COMMD7: variants seen among roughly 807,000 people sequenced by gnomAD.
COMMD7 encodes the protein COMM domain-containing protein 7.
In COMMD7, 28 loss-of-function variants were observed where a neutral mutation model predicts 34.8. That is an observed-to-expected ratio of 0.80 (90% confidence interval 0.60 to 1.10). The LOEUF is 1.10. COMMD7 is among the 50% of genes least tolerant of loss of function. The pLI is 0.00. For missense variants in COMMD7, 211 were observed against 241.6 expected, an observed-to-expected ratio of 0.87 and a Z score of 0.84; for synonymous variants, 80 against 86.4, an observed-to-expected ratio of 0.93 and a Z score of 0.41.
chr20:32,703,629 G>A, intron 8 of COMMD7, 171 bp from the exon 9 acceptor site: 1 of 1,438,112 alleles, frequency 7.0e-7, no homozygotes, highest in Non-Finnish European at 9.1e-7. Flanking sequence ...GAATGCAGAA[G>A]GTTCTCTGCT....
At chr20:32,704,165 G>T in intron 7 of COMMD7, 94 bp from the exon 8 acceptor site, 2 of 1,071,442 alleles carry the variant, frequency 1.9e-6, no homozygotes, top group Non-Finnish European at 2.7e-6. Context: ...CTTCCAACCT[G>T]AGAGTCATAC....
At chr20:32,736,042 GCTT>G (rs1453520512) in intron 1 of COMMD7, among the ~76,000 whole-genome samples, 2 of 152,146 alleles carry the variant, frequency 1.3e-5, no homozygotes, top group Non-Finnish European at 2.9e-5. Flanking sequence ...GGTACTATCT[GCTT>G]CTTCATTTTA....
intron 1 of COMMD7, among the ~76,000 whole-genome samples, chr20:32,732,389 C>T (rs1037852818): frequency 2.6e-5 from 4 of 152,192 alleles, no homozygotes; most frequent in African/African-American, 9.6e-5. Flanking sequence ...CCACACCCAA[C>T]CGGCATCAAA....
chr20:32,711,212 C>T (rs994398386), intron 3 of COMMD7, among the ~76,000 whole-genome samples: 12 of 151,850 alleles, frequency 7.9e-5, no homozygotes, highest in African/African-American at 1.5e-4. Context: ...GCCTGGTCAA[C>T]GTGGTGAAAC....
chr20:32,705,020 A>G, intron 5 of COMMD7, 116 bp from the exon 6 acceptor site: 1 of 747,776 alleles, frequency 1.3e-6, no homozygotes. Flanking sequence ...GGTGCAGAAG[A>G]TAGTGGGGAG....
chr20:32,713,291 C>T (rs1984581133), intron 3 of COMMD7, among the ~76,000 whole-genome samples: 1 of 152,122 alleles, frequency 6.6e-6, no homozygotes, highest in African/African-American at 2.4e-5. Flanking sequence ...CTCAGGTGAT[C>T]CACCCGCCTC....
intron 1 of COMMD7, 72 bp downstream of exon 1, chr20:32,743,236 G>GGGGCCCCC: frequency 1.8e-6 from 1 of 555,858 alleles, no homozygotes; most frequent in Non-Finnish European, 3.1e-6. Context: ...ACCCCCGGAC[G>GGGGCCCCC]TCCCCCCCAC....
chr20:32,720,132 G>A (rs1985057803), intron 3 of COMMD7, among the ~76,000 whole-genome samples: 1 of 152,204 alleles, frequency 6.6e-6, no homozygotes, highest in Non-Finnish European at 1.5e-5. Flanking sequence ...TCAAATCAGA[G>A]TGAGCCTGAA....
In COMMD7 at chr20:32,735,566, C is replaced by T. The variant is rs150898018; in HGVS notation, c.85-7424G>A. Among the ~76,000 whole-genome samples the T allele has an allele frequency of 1.8e-3, 280 of 152,278 alleles. 6 individuals carry two copies. The East Asian group carries it at 0.043, about 23-fold the overall frequency. On this transcript the variant is annotated intron_variant, in intron 1 of 8. Coordinates refer to ENST00000278980, the MANE Select transcript of COMMD7 (RefSeq NM_053041.3). Reference sequence around the variant, plus strand: ...TGCTGGCCTGAAGTGATCCACCTGCCTCGGCTTCCCAAAGTGGTTGGATTA... The same window carrying T: ...TGCTGGCCTGAAGTGATCCACCTGCTTCGGCTTCCCAAAGTGGTTGGATTA...
At chr20:32,715,106 T>C (rs1290720003) in intron 3 of COMMD7, among the ~76,000 whole-genome samples, 1 of 151,924 alleles carries the variant, frequency 6.6e-6, no homozygotes, top group Non-Finnish European at 1.5e-5. Context: ...AGATCGAGGC[T>C]GCAGTAAGCA....
At chr20:32,741,610 C>A (rs548798343) in intron 1 of COMMD7, among the ~76,000 whole-genome samples, 4 of 152,044 alleles carry the variant, frequency 2.6e-5, no homozygotes, top group Non-Finnish European at 4.4e-5. Context: ...AGGATGGTCT[C>A]GATCTCCTGA....
chr20:32,705,358 GTA>G (rs559340881), intron 5 of COMMD7, among the ~76,000 whole-genome samples: 4,257 of 138,506 alleles, frequency 0.031, 210 homozygotes, highest in African/African-American at 0.11. Flanking sequence ...ATGTGTGTGT[GTA>G]TATATATATA....
chr20:32,708,596 T>A (rs1984236946), intron 3 of COMMD7, among the ~76,000 whole-genome samples: 1 of 151,796 alleles, frequency 6.6e-6, no homozygotes, highest in Admixed American at 6.6e-5. Context: ...TTAGTTTATA[T>A]CCAATTCAAA....
intron 3 of COMMD7, among the ~76,000 whole-genome samples, chr20:32,707,917 G>A (rs1984199528): frequency 6.6e-6 from 1 of 152,052 alleles, no homozygotes; most frequent in African/African-American, 2.4e-5. Flanking sequence ...GCTATTTCCT[G>A]TGTCAAACAG....
intron 3 of COMMD7, among the ~76,000 whole-genome samples, chr20:32,721,815 G>C (rs1328232966): frequency 6.6e-6 from 1 of 152,022 alleles, no homozygotes; most frequent in Non-Finnish European, 1.5e-5. Flanking sequence ...AGAATTGCTT[G>C]AATCCGGGAG....
intron 3 of COMMD7, among the ~76,000 whole-genome samples, chr20:32,712,269 C>CAAAAAAAAAAAAAAAA (rs56096713): frequency 1.4e-5 from 1 of 71,844 alleles, no homozygotes; most frequent in Non-Finnish European, 2.3e-5. Flanking sequence ...GACTCCGTCT[C>CAAAAAAAAAAAAAAAA]AAAAAAAAAA....
At chr20:32,721,079 C>G (rs1410820612) in intron 3 of COMMD7, among the ~76,000 whole-genome samples, 4 of 152,288 alleles carry the variant, frequency 2.6e-5, no homozygotes, top group East Asian at 1.9e-4. Flanking sequence ...AAACATATCT[C>G]AGATGCTGGA....
chr20:32,727,124 G>GA (rs1985554059), intron 3 of COMMD7, among the ~76,000 whole-genome samples: 2 of 151,518 alleles, frequency 1.3e-5, no homozygotes, highest in South Asian at 4.2e-4. Flanking sequence ...GCTACTTGGG[G>GA]GTTGAGGCGG....
intron 3 of COMMD7, among the ~76,000 whole-genome samples, chr20:32,710,728 C>CA (rs34067876): frequency 0.016 from 1,521 of 94,402 alleles, 18 homozygotes; most frequent in Non-Finnish European, 0.022. Context: ...GACCTCATCT[C>CA]AAAAAAAAAA....
Sources: gnomAD v4.1 joint callset for allele counts (sites outside exome capture counted in the v4.1 genomes callset) on GRCh38, gnomAD v4.1.1 for gene constraint, MANE v1.5 for transcripts, NCBI Gene and HGNC (gene_info 2026-07-23, HGNC 2026-07-21) for gene names.